Variants in CDADC1 observed in about 807,000 individuals in gnomAD.
CDADC1 encodes the protein cytidine and dCMP deaminase domain containing 1, also known as dCTP deaminase.
Under a neutral mutation model 54.9 loss-of-function variants are expected in CDADC1, and 39 were observed. The observed-to-expected ratio is 0.71, with a 90% CI of 0.55 to 0.93. The LOEUF (loss-of-function observed/expected upper bound fraction) is 0.93. Among genes scored for constraint, CDADC1 ranks in the 40% least tolerant of loss-of-function variants. CDADC1 has a pLI of 0.00. For missense variants in CDADC1, 518 were observed against 618.8 expected (o/e 0.84, Z 1.73); for synonymous variants, 186 against 204.0 (o/e 0.91, Z 0.75).
Position 49,292,716 on chromosome 13 carries a change from T to C in CDADC1, c.*959T>C. 7.9e-7 allele frequency: 1 copy of C among 1,264,910 alleles called. No homozygotes were observed. Among genetic ancestry groups the C allele is most frequent in the Non-Finnish European group, 1.0e-6 (1 of 978,744 alleles). The allele number at this position is 1,264,910 out of a possible 1,614,324, so 78.4% of individuals were successfully genotyped here. On this transcript the variant is annotated 3_prime_UTR_variant, in exon 10 of 10. Transcript: ENST00000251108. ...TGTCTGTGATTTCTCACATTTTTATTTGCTGAGAAACATTCAGAAAATTAT... is the reference window on the plus strand; with the variant it reads ...TGTCTGTGATTTCTCACATTTTTATCTGCTGAGAAACATTCAGAAAATTAT...
chr13:49,280,463 C>A (rs955091061), intron 7 of CDADC1, 46 bp from the exon 8 acceptor site: 3 of 1,002,932 alleles, frequency 3.0e-6, no homozygotes, highest in Non-Finnish European at 4.1e-6. Context: ...AAATAACTTA[C>A]CCTTTCAGAA....
At chr13:49,267,179 T>C (rs188787791) in intron 4 of CDADC1, among the ~76,000 whole-genome samples, 87 of 152,296 alleles carry the variant, frequency 5.7e-4, no homozygotes, top group Middle Eastern at 3.4e-3. Context: ...TCAATAAAGG[T>C]TTATTTATGG....
At chr13:49,282,236 G>GGTTTTTTTTTTTTTTTTTTTTTTT (rs1555315245) in intron 8 of CDADC1, among the ~76,000 whole-genome samples, 6 of 94,146 alleles carry the variant, frequency 6.4e-5, no homozygotes, top group South Asian at 3.8e-4. Context: ...GTTTTTGTGG[G>GGTTTTTTTTTTTTTTTTTTTTTTT]TTTTTTTTTT....
At chr13:49,264,691 C>G (rs767789833) in intron 4 of CDADC1, among the ~76,000 whole-genome samples, 1 of 150,786 alleles carries the variant, frequency 6.6e-6, no homozygotes, top group Admixed American at 6.6e-5. Flanking sequence ...CCACTGCACT[C>G]CAGCTTGGGT....
At chr13:49,253,744 G>C (rs1365890697) in intron 2 of CDADC1, among the ~76,000 whole-genome samples, 1 of 152,060 alleles carries the variant, frequency 6.6e-6, no homozygotes, top group African/African-American at 2.4e-5. Context: ...ATGTGGTCTT[G>C]CCATGTTGCC....
intron 3 of CDADC1, among the ~76,000 whole-genome samples, chr13:49,256,158 A>G (rs1035576436): frequency 6.6e-6 from 1 of 150,540 alleles, no homozygotes; most frequent in African/African-American, 2.4e-5. Flanking sequence ...TTGATGGTTC[A>G]TATAGATGTG....
At chr13:49,270,410 G>A (rs1403334973) in intron 5 of CDADC1, among the ~76,000 whole-genome samples, 1 of 152,058 alleles carries the variant, frequency 6.6e-6, no homozygotes, top group East Asian at 1.9e-4. Flanking sequence ...TTGTAGATAT[G>A]TCTCACTGTG....
At chr13:49,252,283 A>G (rs1471361137) in intron 2 of CDADC1, among the ~76,000 whole-genome samples, 1 of 152,120 alleles carries the variant, frequency 6.6e-6, no homozygotes, top group Non-Finnish European at 1.5e-5. Context: ...GTTCTTACCT[A>G]CAGGGCTTGG....
Position 49,267,647 on chromosome 13 carries a change from G to A in CDADC1, c.588G>A (p.Val196=). ...AHVCVLLQPL[V]CYMVQFVEET... ...TGTGTGTCTTACTTCAACCTTTGGT[G>A]TGTTATATGGTGCAGTTTGTAGAGG... Residue 196 remains valine, a synonymous_variant, in exon 5 of 10, where the codon GTG becomes GTA. Coordinates refer to ENST00000251108, the MANE Select transcript of CDADC1 (RefSeq NM_030911.4). 7 of 1,614,140 alleles carry A rather than the reference G, an allele frequency of 4.3e-6. No homozygotes were observed. The highest frequency in any genetic ancestry group is 5.9e-6 in the Non-Finnish European group (7 of 1,180,014).
rs550438729 is a variant in CDADC1 at position 49,257,425 on chromosome 13, A to G, written c.252+1512A>G. On this transcript the variant is annotated intron_variant, in intron 3 of 9. Transcript: ENST00000251108. ...CTGGTTACGTTGGTTCAATTTAACA[A>G]TAGGAGCTCTGTCAAGATCTTTTGA... Among the ~76,000 whole-genome samples, 5 of 152,268 alleles carry G rather than the reference A, an allele frequency of 3.3e-5. 1 individual carries two copies. The highest frequency in any genetic ancestry group is 3.9e-4 in the East Asian group (2 of 5,182).
chr13:49,271,317 A>C (rs1365276700), intron 5 of CDADC1, among the ~76,000 whole-genome samples: 1 of 152,176 alleles, frequency 6.6e-6, no homozygotes, highest in Non-Finnish European at 1.5e-5. Flanking sequence ...AATCTTATCT[A>C]TCTGCTTTAA....
intron 5 of CDADC1, among the ~76,000 whole-genome samples, chr13:49,273,852 G>T (rs1953032157): frequency 6.6e-6 from 1 of 152,176 alleles, no homozygotes; most frequent in Admixed American, 6.5e-5. Flanking sequence ...TATAAATAAT[G>T]CTGGGAAAAG....
chr13:49,275,962 T>G (rs1414255541), intron 6 of CDADC1, among the ~76,000 whole-genome samples: 1 of 151,750 alleles, frequency 6.6e-6, no homozygotes, highest in African/African-American at 2.4e-5. Context: ...AGAGATGGGG[T>G]TTCACCATGT....
At chr13:49,254,759 TACTTCATAGTC>T (rs1952506955) in intron 2 of CDADC1, among the ~76,000 whole-genome samples, 1 of 152,198 alleles carries the variant, frequency 6.6e-6, no homozygotes, top group Non-Finnish European at 1.5e-5. Context: ...TTAATCAACT[TACTTCATAGTC>T]ACTTTCCTGT....
At chr13:49,270,488 G>T (rs182302371) in intron 5 of CDADC1, among the ~76,000 whole-genome samples, 2 of 152,172 alleles carry the variant, frequency 1.3e-5, no homozygotes, top group Non-Finnish European at 2.9e-5. Context: ...AAAGTGCTGG[G>T]ATTACAGGCA....
chr13:49,286,304 T>C, intron 9 of CDADC1, 22 bp downstream of exon 9: 2 of 1,561,610 alleles, frequency 1.3e-6, no homozygotes, highest in Non-Finnish European at 1.8e-6. Flanking sequence ...TGTATTGAGG[T>C]GAACTTTGTT....
intron 9 of CDADC1, among the ~76,000 whole-genome samples, chr13:49,289,363 G>A (rs1953630467): frequency 6.6e-6 from 1 of 151,954 alleles, no homozygotes; most frequent in African/African-American, 2.4e-5. Context: ...CTGGACCTCA[G>A]GTGATCTGCC....
chr13:49,248,198 C>G, intron 1 of CDADC1, 79 bp downstream of exon 1: 2 of 1,270,922 alleles, frequency 1.6e-6, no homozygotes, highest in Non-Finnish European at 2.2e-6. Flanking sequence ...ACTCCAGATT[C>G]CTTGTCTGAG....
At chr13:49,282,663 G>A (rs1447932788) in intron 8 of CDADC1, among the ~76,000 whole-genome samples, 3 of 152,178 alleles carry the variant, frequency 2.0e-5, no homozygotes, top group Non-Finnish European at 4.4e-5. Context: ...TTATATAGCA[G>A]GTTTCCCCAA....
Sources: gnomAD v4.1 joint callset for allele counts (sites outside exome capture counted in the v4.1 genomes callset) on GRCh38, gnomAD v4.1.1 for gene constraint, MANE v1.5 for transcripts, NCBI Gene and HGNC (gene_info 2026-07-23, HGNC 2026-07-21) for gene names.